GCNT2: variants seen among roughly 807,000 people sequenced by gnomAD.
GCNT2 encodes N-acetyllactosaminide beta-1,6-N-acetylglucosaminyl-transferase.
A neutral mutation model predicts 34.2 loss-of-function variants in GCNT2; 34 were observed. That is an observed-to-expected ratio of 1.00 (90% CI 0.76 to 1.32). GCNT2 has a LOEUF of 1.32. Ranked by LOEUF, GCNT2 falls within the 40% of genes most tolerant of loss-of-function variation. The pLI, the probability that GCNT2 is intolerant of heterozygous loss-of-function variation, is 0.00. For synonymous variants in GCNT2, 212 were observed against 188.0 expected (o/e 1.13, Z -1.04); for missense variants, 584 against 489.4 (o/e 1.19, Z -1.82).
chr6:10,626,779 C>G lies in GCNT2; in HGVS notation c.*172C>G. The G allele has an allele frequency of 1.6e-6, 1 of 618,642 alleles. No individual in the cohort carries two copies. 38.3% of individuals were successfully genotyped at this position (618,642 alleles called of 1,614,324 possible). ...TATCCACTGGACACTGTGAAATACA[C>G]TAACAGGATGGCTGGGTAGAGCAAT... On this transcript the variant is annotated 3_prime_UTR_variant, in exon 5 of 5. Coordinates refer to ENST00000495262, the MANE Select transcript of GCNT2 (RefSeq NM_145649.5).
In GCNT2 at chr6:10,552,992, ACT is replaced by A. The variant is rs1762547834; in HGVS notation, c.925+23163_925+23164del. Among the ~76,000 whole-genome samples, 4 of 151,570 alleles carry A rather than the reference ACT, an allele frequency of 2.6e-5. 1 individual carries two copies. The South Asian group carries it at 8.4e-4, about 32-fold the overall frequency. On this transcript the variant is annotated intron_variant, in intron 3 of 4. Coordinates refer to ENST00000495262, the MANE Select transcript of GCNT2 (RefSeq NM_145649.5). Reference sequence around the variant, plus strand: ...GAGCCTCTCAACGCGACTTTAACAAACTCTCTCTGAGCCAGTCTTCTCAGTGC... The same window carrying A: ...GAGCCTCTCAACGCGACTTTAACAAACTCTCTGAGCCAGTCTTCTCAGTGC...
chr6:10,539,015 C>T (rs1032940643), intron 3 of GCNT2, among the ~76,000 whole-genome samples: 5 of 151,854 alleles, frequency 3.3e-5, no homozygotes, highest in African/African-American at 1.2e-4. Flanking sequence ...CAGATGACAT[C>T]AATTAGAATG....
intron 3 of GCNT2, among the ~76,000 whole-genome samples, chr6:10,567,076 T>C (rs552258591): frequency 3.3e-5 from 5 of 152,314 alleles, no homozygotes; most frequent in African/African-American, 1.2e-4. Context: ...CCCAGCACTT[T>C]GGGAGGCCAA....
intron 3 of GCNT2, among the ~76,000 whole-genome samples, chr6:10,610,351 G>A (rs1172143159): frequency 6.6e-6 from 1 of 152,166 alleles, no homozygotes; most frequent in African/African-American, 2.4e-5. Context: ...CTACATGTCT[G>A]GGAATATGGA....
At chr6:10,617,637 G>C (rs1488267342) in intron 3 of GCNT2, among the ~76,000 whole-genome samples, 1 of 152,104 alleles carries the variant, frequency 6.6e-6, no homozygotes, top group Non-Finnish European at 1.5e-5. Flanking sequence ...ATTTTACCCA[G>C]CTCCTATTTA....
At position 10,576,553 on chromosome 6, in the gene GCNT2, G is replaced by A. The variant is rs181596748; in HGVS notation, c.926-44798G>A. On this transcript the variant is annotated intron_variant, in intron 3 of 4. Coordinates refer to ENST00000495262, the MANE Select transcript of GCNT2 (RefSeq NM_145649.5). ...AAACAAAAATCTATTCAAGGAGGCT[G>A]GAATTCAGGATCCAGAGGAAGAAGC... 1.5e-4 allele frequency among the ~76,000 whole-genome samples: 23 copies of A among 152,280 alleles called. No homozygotes were observed. In the East Asian group the frequency reaches 4.2e-3, roughly 28 times the overall value.
intron 4 of GCNT2, among the ~76,000 whole-genome samples, chr6:10,623,290 TTA>T (rs1444135417): frequency 6.7e-6 from 1 of 149,022 alleles, no homozygotes; most frequent in African/African-American, 2.6e-5. Context: ...CCTGCCTACA[TTA>T]TTTTTTTTTT....
intron 3 of GCNT2, among the ~76,000 whole-genome samples, chr6:10,537,162 G>C (rs1205039413): frequency 1.3e-5 from 2 of 152,276 alleles, no homozygotes; most frequent in East Asian, 3.9e-4. Flanking sequence ...GAAAACAATG[G>C]CATTAATCAC....
At chr6:10,614,597 G>A (rs889800972) in intron 3 of GCNT2, among the ~76,000 whole-genome samples, 13 of 143,670 alleles carry the variant, frequency 9.0e-5, no homozygotes, top group East Asian at 4.0e-4. Context: ...CTGGACTCCA[G>A]CCTGGGCAAC....
At chr6:10,601,946 AAAAAAAAAAAAAAAC>A (rs1230675457) in intron 3 of GCNT2, among the ~76,000 whole-genome samples, 33 of 132,458 alleles carry the variant, frequency 2.5e-4, no homozygotes, top group African/African-American at 9.5e-4. Flanking sequence ...ATCTCAAGAA[AAAAAAAAAAAAAAAC>A]AAAAAAAACA....
chr6:10,576,371 C>A (rs1763811843), intron 3 of GCNT2, among the ~76,000 whole-genome samples: 1 of 152,170 alleles, frequency 6.6e-6, no homozygotes, highest in Non-Finnish European at 1.5e-5. Flanking sequence ...TAAATACCTA[C>A]TACACAGCCC....
chr6:10,524,250 G>C (rs866539815), intron 1 of GCNT2, among the ~76,000 whole-genome samples: 52 of 150,114 alleles, frequency 3.5e-4, no homozygotes, highest in African/African-American at 1.2e-3. Flanking sequence ...ATAATCCAGG[G>C]CTTTTTTTTT....
intron 3 of GCNT2, among the ~76,000 whole-genome samples, chr6:10,539,400 GC>G (rs1470518170): frequency 1.3e-5 from 2 of 151,756 alleles, no homozygotes; most frequent in African/African-American, 4.8e-5. Flanking sequence ...TGTTGGTCAG[GC>G]TGGTCTCGAA....
At chr6:10,540,816 T>C (rs554427735) in intron 3 of GCNT2, among the ~76,000 whole-genome samples, 2 of 152,284 alleles carry the variant, frequency 1.3e-5, no homozygotes, top group Admixed American at 1.3e-4. Context: ...TTCCTAAATC[T>C]AAACCCCAAC....
At chr6:10,575,446 C>T (rs866368573) in intron 3 of GCNT2, among the ~76,000 whole-genome samples, 1 of 151,008 alleles carries the variant, frequency 6.6e-6, no homozygotes, top group African/African-American at 2.4e-5. Context: ...ACTGCATCCT[C>T]CGACTCTTGG....
rs761404771 is a variant in GCNT2 at position 10,621,449 on chromosome 6, GCT to G, written c.1018+10_1018+11del. The G allele has an allele frequency of 1.3e-6, 2 of 1,588,842 alleles. No individual in the cohort carries two copies. Among genetic ancestry groups the G allele is most frequent in the South Asian group, 1.1e-5 (1 of 90,426 alleles). On this transcript the variant is annotated splice_region_variant and intron_variant, in intron 4 of 4. Transcript: ENST00000495262. Reference sequence around the variant, plus strand: ...CAGACACGGAGGCTGCCACGGTGAGGCTCTCGTTCCATGCTTCTAGGCCACTG... The same window carrying G: ...CAGACACGGAGGCTGCCACGGTGAGGCTCGTTCCATGCTTCTAGGCCACTG...
intron 3 of GCNT2, among the ~76,000 whole-genome samples, chr6:10,601,867 A>T (rs1023694121): frequency 6.7e-6 from 1 of 149,306 alleles, no homozygotes; most frequent in Non-Finnish European, 1.5e-5. Context: ...CGTGAACCCG[A>T]GAGGCGGAGC....
At chr6:10,535,511 C>T (rs1761713488) in intron 3 of GCNT2, among the ~76,000 whole-genome samples, 1 of 152,176 alleles carries the variant, frequency 6.6e-6, no homozygotes, top group African/African-American at 2.4e-5. Context: ...CAAGTTCATC[C>T]ACCTCCCACT....
intron 4 of GCNT2, among the ~76,000 whole-genome samples, chr6:10,624,895 C>A (rs1766191837): frequency 2.0e-5 from 3 of 152,156 alleles, no homozygotes; most frequent in Admixed American, 6.5e-5. Flanking sequence ...TCTCTGAAAG[C>A]CTGTACTCAT....
Sources: gnomAD v4.1 joint callset for allele counts (sites outside exome capture counted in the v4.1 genomes callset) on GRCh38, gnomAD v4.1.1 for gene constraint, MANE v1.5 for transcripts, NCBI Gene and HGNC (gene_info 2026-07-23, HGNC 2026-07-21) for gene names.